Variants in TMEM161B observed in about 807,000 individuals in gnomAD.
TMEM161B encodes transmembrane protein 161B.
In TMEM161B, 34 loss-of-function variants were observed where a neutral mutation model predicts 61.8. The ratio of observed to expected loss-of-function variants is 0.55; its 90% CI spans 0.42 to 0.73. The LOEUF (loss-of-function observed/expected upper bound fraction) is 0.73, where lower values mean the gene tolerates loss of function less well. Among genes scored for constraint, TMEM161B ranks in the 30% least tolerant of loss-of-function variants. TMEM161B has a pLI of 0.00. For synonymous variants in TMEM161B, 167 were observed against 192.8 expected (o/e 0.87, Z 1.11); for missense variants, 456 against 558.5 (o/e 0.82, Z 1.85).
intron 5 of TMEM161B, among the ~76,000 whole-genome samples, chr5:88,216,028 C>T (rs1028497751): frequency 1.3e-5 from 2 of 152,114 alleles, no homozygotes; most frequent in East Asian, 3.9e-4. Context: ...GAAGCCGAGA[C>T]AGAAGGATGG....
rs374715888 is a variant in TMEM161B at position 88,206,534 on chromosome 5, C to T, written c.599-35G>A. ...AAAAAAAAAAAAACAACAGATTACT[C>T]TTATCACAAATGTGAAATACAGAAT... On this transcript the variant is annotated intron_variant, in intron 6 of 11. Coordinates refer to ENST00000296595, the MANE Select transcript of TMEM161B (RefSeq NM_153354.5). The T allele has an allele frequency of 2.1e-4, 314 of 1,473,050 alleles. 1 individual carries two copies. In the African/African-American group the frequency reaches 4.0e-3, roughly 19 times the overall value. The allele number at this position is 1,473,050 out of a possible 1,614,324, so 91.2% of individuals were successfully genotyped here. A position where few individuals can be genotyped will look rare whatever the true frequency, so the allele number is the denominator to read the frequency against.
chr5:88,188,647 T>C (rs1192004076), downstream of TMEM161B, among the ~76,000 whole-genome samples: 5 of 152,072 alleles, frequency 3.3e-5, no homozygotes, highest in Non-Finnish European at 7.4e-5. Context: ...CAGAGAAAAC[T>C]CCTCAGACAC....
chr5:88,212,720 T>C (rs1256512869), intron 5 of TMEM161B, among the ~76,000 whole-genome samples: 1 of 152,114 alleles, frequency 6.6e-6, no homozygotes, highest in Non-Finnish European at 1.5e-5. Flanking sequence ...TCCCAGCTAC[T>C]CAGGTGGCTG....
chr5:88,235,128 A>C lies in TMEM161B; in HGVS notation c.107+5685T>G, dbSNP rs556239193. ...TCAGACAACTACAACTCTTACTAAA[A>C]CAGTTCAACACTGAAAAAATATGTA... On this transcript the variant is annotated intron_variant, in intron 2 of 11. Transcript: ENST00000296595. Among the ~76,000 whole-genome samples, 18 of 152,288 alleles carry C rather than the reference A, an allele frequency of 1.2e-4. No homozygotes were observed. The South Asian group carries it at 3.5e-3, about 30-fold the overall frequency.
intron 1 of TMEM161B, among the ~76,000 whole-genome samples, chr5:88,249,888 G>C (rs1193600642): frequency 2.4e-4 from 37 of 152,092 alleles, no homozygotes; most frequent in Admixed American, 2.4e-3. Flanking sequence ...CAAGCTCCAA[G>C]GACACAGAAG....
At position 88,203,021 on chromosome 5, in the gene TMEM161B, T is replaced by C. The variant is rs1183407032; in HGVS notation, c.855A>G (p.Val285=). The C allele has an allele frequency of 2.5e-6, 4 of 1,612,040 alleles. No homozygotes were observed. The highest frequency in any genetic ancestry group is 3.4e-6 in the Non-Finnish European group (4 of 1,178,372). ...LAPLFMVLLW[V]KPITKDYIMN... ...TAATGTAGTCTTTGGTGATTGGTTT[T>C]ACCCAGAGCAGAACCATAAATAAAG... The change falls in exon 9 of 12, where the codon GTA becomes GTG. Residue 285 remains valine (V), a synonymous_variant. Transcript: ENST00000296595.
rs1406082310 is a variant in TMEM161B, at chr5:88,246,384, C to CT, written c.4-5469dup. ...GTGGAAAATATTTCACCAGTTGCTC[C>CT]TTTTCATGTAAATTTAAAAACGAAT... On this transcript the variant is annotated intron_variant, in intron 1 of 11. Coordinates refer to ENST00000296595, the MANE Select transcript of TMEM161B (RefSeq NM_153354.5). Among the ~76,000 whole-genome samples, 10 of 151,738 alleles carry CT rather than the reference C, an allele frequency of 6.6e-5. No homozygotes were observed. The East Asian group carries it at 9.7e-4, about 15-fold the overall frequency.
chr5:88,226,548 T>A (rs747630783), intron 3 of TMEM161B, among the ~76,000 whole-genome samples: 4 of 152,178 alleles, frequency 2.6e-5, no homozygotes, highest in Non-Finnish European at 5.9e-5. Flanking sequence ...TGCTTCAGCC[T>A]CTGAGTAGCT....
At position 88,205,928 on chromosome 5, in the gene TMEM161B, T is replaced by C. The variant is rs1745371296; in HGVS notation, c.686A>G (p.Lys229Arg). 1.2e-6 allele frequency: 2 copies of C among 1,610,604 alleles called. No individual in the cohort carries two copies. Among genetic ancestry groups the C allele is most frequent in the Non-Finnish European group, 8.5e-7 (1 of 1,178,480 alleles). ...TGAACAGAAAATAGCCAGGAAAAATTTGAAAGTAAGTTTTGAAACAGGACT... is the reference window on the plus strand; with the variant it reads ...TGAACAGAAAATAGCCAGGAAAAATCTGAAAGTAAGTTTTGAAACAGGACT... ...SQSPVSKLTF[K>R]FFLAIFCSFI... Residue 229 changes from lysine to arginine, a missense_variant, in exon 8 of 12, where the codon AAA becomes AGA. Lys to Arg is a conservative substitution (Grantham distance 26, BLOSUM62 2). This residue lies in a region of TMEM161B where 367 missense variants were observed against 427.3 expected (regional missense o/e 0.86). Transcript: ENST00000296595.
intron 1 of TMEM161B, among the ~76,000 whole-genome samples, chr5:88,254,036 T>C (rs1754670226): frequency 6.6e-6 from 1 of 151,868 alleles, no homozygotes; most frequent in Non-Finnish European, 1.5e-5. Context: ...GAAATGTACA[T>C]GCTTGAAGCA....
chr5:88,237,925 A>G (rs1752125632), intron 2 of TMEM161B, among the ~76,000 whole-genome samples: 1 of 152,108 alleles, frequency 6.6e-6, no homozygotes, highest in South Asian at 2.1e-4. Flanking sequence ...TGGCTTACTC[A>G]TTAAGTCGAC....
At chr5:88,210,269 T>C (rs1270966631) in intron 5 of TMEM161B, among the ~76,000 whole-genome samples, 2 of 152,172 alleles carry the variant, frequency 1.3e-5, no homozygotes, top group African/African-American at 4.8e-5. Flanking sequence ...AATTAAATAT[T>C]TAACATGTAA....
downstream of TMEM161B, among the ~76,000 whole-genome samples, chr5:88,191,902 A>C (rs1332280243): frequency 6.6e-5 from 9 of 136,614 alleles, no homozygotes; most frequent in African/African-American, 2.5e-4. Flanking sequence ...GCTTGCAGTG[A>C]GCCGAGACCG....
At position 88,217,865 on chromosome 5, in the gene TMEM161B, A is replaced by C. The variant is rs553424724; in HGVS notation, c.446+2698T>G. On this transcript the variant is annotated intron_variant, in intron 5 of 11. Transcript: ENST00000296595. ...AAAAGCCTGTGATGTGAAAGACAGC[A>C]ACCAAACACAAGCAACTCAGAGTAA... 2.0e-4 allele frequency among the ~76,000 whole-genome samples: 31 copies of C among 151,386 alleles called. No individual in the cohort carries two copies. In the East Asian group the frequency reaches 5.9e-3, roughly 29 times the overall value.
At chr5:88,199,731 A>G (rs770420824) in intron 9 of TMEM161B, 2 of 152,160 alleles carry the variant, frequency 1.3e-5, no homozygotes, top group African/African-American at 2.4e-5. Context: ...GGTTAAGGTT[A>G]AGATTCCAGG....
At chr5:88,191,155 CTTTTTA>C (rs1164426945), downstream of TMEM161B, among the ~76,000 whole-genome samples, 2 of 152,052 alleles carry the variant, frequency 1.3e-5, no homozygotes, top group Middle Eastern at 3.2e-3. Context: ...CTTAGTTTTT[CTTTTTA>C]AAGTCTTTCT....
chr5:88,222,705 T>C (rs1361995839), intron 4 of TMEM161B, among the ~76,000 whole-genome samples: 1 of 152,192 alleles, frequency 6.6e-6, no homozygotes, highest in East Asian at 1.9e-4. Flanking sequence ...AAGAGGTTCT[T>C]ATAATAGATA....
intron 2 of TMEM161B, among the ~76,000 whole-genome samples, chr5:88,229,897 C>T (rs913432554): frequency 6.6e-6 from 1 of 151,626 alleles, no homozygotes; most frequent in Non-Finnish European, 1.5e-5. Flanking sequence ...CTTTGATTTG[C>T]TGTTTTAAAA....
At chr5:88,185,582 TTATAAC>T (rs1400993561), downstream of TMEM161B, among the ~76,000 whole-genome samples, 4 of 152,302 alleles carry the variant, frequency 2.6e-5, no homozygotes, top group East Asian at 1.9e-4. Flanking sequence ...GAATCTGCTA[TTATAAC>T]TATATTTTAT....
Sources: allele counts gnomAD v4.1 joint callset (sites outside exome capture counted in the v4.1 genomes callset), GRCh38; gene constraint gnomAD v4.1.1; regional missense constraint gnomAD v4.1.1; transcripts MANE v1.5; gene names NCBI Gene and HGNC (gene_info 2026-07-23, HGNC 2026-07-21).